LRRC28: variants seen among roughly 807,000 people sequenced by gnomAD.
LRRC28 encodes the protein leucine rich repeat containing 28.
LRRC28 carries 39 observed loss-of-function variants against 45.7 expected under a neutral mutation model. That is an observed-to-expected ratio of 0.85 (90% CI 0.66 to 1.12). The LOEUF is 1.12. Among genes scored for constraint, LRRC28 ranks in the 50% most tolerant of loss-of-function variants. The pLI, the probability that LRRC28 is intolerant of heterozygous loss-of-function variation, is 0.00. For missense variants in LRRC28, 435 were observed against 438.5 expected, an observed-to-expected ratio of 0.99 and a Z score of 0.07; for synonymous variants, 206 against 178.8, an observed-to-expected ratio of 1.15 and a Z score of -1.22.
intron 5 of LRRC28, among the ~76,000 whole-genome samples, chr15:99,304,981 T>TA (rs1955129680): frequency 6.6e-6 from 1 of 152,166 alleles, no homozygotes; most frequent in African/African-American, 2.4e-5. Context: ...TATAGGGAGA[T>TA]ACTTGAGACT....
chr15:99,353,637 A>T (rs1438030051), intron 7 of LRRC28: 1 of 152,226 alleles, frequency 6.6e-6, no homozygotes, highest in African/African-American at 2.4e-5. Context: ...TTAAAGGATC[A>T]TTAATATAGC....
At chr15:99,345,185 A>G (rs1597390797) in intron 6 of LRRC28, among the ~76,000 whole-genome samples, 1 of 151,618 alleles carries the variant, frequency 6.6e-6, no homozygotes, top group East Asian at 1.9e-4. Flanking sequence ...CAAGGATTCA[A>G]ACCCCAGTTG....
intron 2 of LRRC28, among the ~76,000 whole-genome samples, chr15:99,272,037 A>G (rs1000069020): frequency 6.6e-6 from 1 of 152,094 alleles, no homozygotes; most frequent in African/African-American, 2.4e-5. Flanking sequence ...TAAGTTGTTG[A>G]TCCATTTTGA....
chr15:99,370,833 A>G (rs1957464807), intron 9 of LRRC28, among the ~76,000 whole-genome samples: 1 of 152,252 alleles, frequency 6.6e-6, no homozygotes, highest in African/African-American at 2.4e-5. Flanking sequence ...TATTGAAACA[A>G]TTGTGTATAT....
At chr15:99,327,702 C>A (rs1956030387) in intron 5 of LRRC28, among the ~76,000 whole-genome samples, 1 of 151,396 alleles carries the variant, frequency 6.6e-6, no homozygotes, top group Non-Finnish European at 1.5e-5. Context: ...TTTTCTGTTG[C>A]TTTTCTAATT....
chr15:99,305,432 A>T (rs903817872), intron 5 of LRRC28, among the ~76,000 whole-genome samples: 7 of 152,182 alleles, frequency 4.6e-5, no homozygotes, highest in Non-Finnish European at 1.0e-4. Context: ...TATTCATTTA[A>T]TTTTTTATTT....
At chr15:99,378,600 G>A (rs1029978430) in intron 9 of LRRC28, among the ~76,000 whole-genome samples, 1 of 152,152 alleles carries the variant, frequency 6.6e-6, no homozygotes, top group Admixed American at 6.5e-5. Flanking sequence ...GTGAGAGAGG[G>A]CATCCCTGTC....
chr15:99,284,319 C>T (rs1470201242), intron 3 of LRRC28, among the ~76,000 whole-genome samples: 1 of 151,820 alleles, frequency 6.6e-6, no homozygotes, highest in Non-Finnish European at 1.5e-5. Context: ...GTCATGATCA[C>T]ACTACTATAT....
At chr15:99,350,415 T>C (rs904953671) in intron 6 of LRRC28, among the ~76,000 whole-genome samples, 1 of 152,194 alleles carries the variant, frequency 6.6e-6, no homozygotes, top group African/African-American at 2.4e-5. Context: ...TTTCTTACCT[T>C]AACTTTATAT....
Position 99,389,239 on chromosome 15 carries a change from A to C in LRRC28, c.*3137A>C, listed in dbSNP as rs1958114904. The C allele has an allele frequency of 6.6e-6, 1 of 152,138 alleles. No homozygotes were observed. The highest frequency in any genetic ancestry group is 1.5e-5 in the Non-Finnish European group (1 of 68,026). The allele number at this position is 152,138 out of a possible 1,614,324, so 9.4% of individuals were successfully genotyped here. On this transcript the variant is annotated 3_prime_UTR_variant, in exon 10 of 10. Coordinates refer to ENST00000301981, the MANE Select transcript of LRRC28 (RefSeq NM_144598.5). ...CCAGCTTGTCCGACTAGTGTAATGTACCTCTCACTTCTGTTTTACGTTGAG... is the reference window on the plus strand; with the variant it reads ...CCAGCTTGTCCGACTAGTGTAATGTCCCTCTCACTTCTGTTTTACGTTGAG...
rs1958037209 is a variant in LRRC28, at chr15:99,387,197, AC to A, written c.*1097del. Reference sequence around the variant, plus strand: ...TGCCTCAGCCTCCCAAGTAGCTGGGACCACAGGCGCCCGCCACCACGCCCGG... The same window carrying A: ...TGCCTCAGCCTCCCAAGTAGCTGGGACACAGGCGCCCGCCACCACGCCCGG... On this transcript the variant is annotated 3_prime_UTR_variant, in exon 10 of 10. Coordinates refer to ENST00000301981, the MANE Select transcript of LRRC28 (RefSeq NM_144598.5). 7.0e-6 allele frequency: 1 copy of A among 143,610 alleles called. No homozygotes were observed. The highest frequency in any genetic ancestry group is 1.5e-5 in the Non-Finnish European group (1 of 65,458). The allele number at this position is 143,610 out of a possible 1,614,324, so 8.9% of individuals were successfully genotyped here.
chr15:99,319,634 C>T lies in LRRC28; in HGVS notation c.386-14289C>T, dbSNP rs542883297. 1.0e-4 allele frequency among the ~76,000 whole-genome samples: 15 copies of T among 147,460 alleles called. No homozygotes were observed. The South Asian group carries it at 2.6e-3, about 25-fold the overall frequency. ...GCATAATCTAGTCACACACAAAGCACGAGGTAAAATGTCAAAACAGTGTGG... is the reference window on the plus strand; with the variant it reads ...GCATAATCTAGTCACACACAAAGCATGAGGTAAAATGTCAAAACAGTGTGG... On this transcript the variant is annotated intron_variant, in intron 5 of 9. Transcript: ENST00000301981.
At chr15:99,306,554 G>A (rs921730148) in intron 5 of LRRC28, among the ~76,000 whole-genome samples, 1 of 152,130 alleles carries the variant, frequency 6.6e-6, no homozygotes, top group Non-Finnish European at 1.5e-5. Context: ...GTTAAGTAAT[G>A]TATGAAAATT....
At chr15:99,279,573 C>T (rs762008174) in intron 3 of LRRC28, among the ~76,000 whole-genome samples, 1 of 152,208 alleles carries the variant, frequency 6.6e-6, no homozygotes, top group Non-Finnish European at 1.5e-5. Flanking sequence ...CGTGGTCCTA[C>T]CCCCTTGCTA....
At chr15:99,255,872 A>T (rs1597139395) in intron 1 of LRRC28, 26 bp from the exon 2 acceptor site, 1 of 1,430,892 alleles carries the variant, frequency 7.0e-7, no homozygotes, top group Non-Finnish European at 9.3e-7. Context: ...TCTTACAATG[A>T]ATAAATTTTC....
intron 5 of LRRC28, chr15:99,333,645 C>T: frequency 4.5e-6 from 2 of 445,072 alleles, no homozygotes; most frequent in Non-Finnish European, 8.1e-6. Flanking sequence ...GCCATAGTGA[C>T]AGACTTCTGG....
At chr15:99,280,140 C>T (rs79152712) in intron 3 of LRRC28, among the ~76,000 whole-genome samples, 13,845 of 151,838 alleles carry the variant, frequency 0.091, 675 homozygotes, top group African/African-American at 0.13. Context: ...GTCTATTGCT[C>T]ATCTTCTGAT....
intron 9 of LRRC28, among the ~76,000 whole-genome samples, chr15:99,383,363 G>GC (rs1166127647): frequency 6.6e-6 from 1 of 152,214 alleles, no homozygotes; most frequent in Non-Finnish European, 1.5e-5. Context: ...TAGGCTGTCT[G>GC]CCTTGGTTCT....
At chr15:99,357,249 G>A (rs1459426374) in intron 7 of LRRC28, among the ~76,000 whole-genome samples, 2 of 152,086 alleles carry the variant, frequency 1.3e-5, no homozygotes, top group Non-Finnish European at 2.9e-5. Context: ...ATTAATGTCT[G>A]TCTCTCCTCA....
Sources: gnomAD v4.1 joint callset for allele counts (sites outside exome capture counted in the v4.1 genomes callset) on GRCh38, gnomAD v4.1.1 for gene constraint, MANE v1.5 for transcripts, NCBI Gene and HGNC (gene_info 2026-07-23, HGNC 2026-07-21) for gene names.